SLC30A6: variants seen among roughly 807,000 people sequenced by gnomAD.
SLC30A6 encodes the protein zinc transporter 6.
A neutral mutation model predicts 63.0 loss-of-function variants in SLC30A6; 55 were observed. The observed-to-expected ratio is 0.87, with a 90% CI of 0.70 to 1.09. The LOEUF is 1.09. Ranked by LOEUF, SLC30A6 falls within the 50% of genes least tolerant of loss-of-function variation. SLC30A6 has a pLI of 0.00. For missense variants in SLC30A6, 587 were observed against 549.2 expected, an observed-to-expected ratio of 1.07 and a Z score of -0.69; for synonymous variants, 224 against 186.1, an observed-to-expected ratio of 1.20 and a Z score of -1.66.
intron 10 of SLC30A6, chr2:32,203,987 A>C (rs1447008190): frequency 8.2e-6 from 6 of 729,884 alleles, no homozygotes; most frequent in Admixed American, 2.3e-5. Context: ...GGGAGCCACA[A>C]ACGGAGTTTT....
At chr2:32,192,610 C>T (rs905321010) in intron 6 of SLC30A6, among the ~76,000 whole-genome samples, 194 bp downstream of exon 6, 2 of 152,080 alleles carry the variant, frequency 1.3e-5, no homozygotes, top group South Asian at 2.1e-4. Flanking sequence ...CTTAATGCTA[C>T]TAAATTGAAT....
chr2:32,169,462 C>T (rs554952696), intron 1 of SLC30A6, among the ~76,000 whole-genome samples: 41 of 152,096 alleles, frequency 2.7e-4, no homozygotes, highest in Non-Finnish European at 5.1e-4. Flanking sequence ...CAGGCATGAG[C>T]CACCATGGCC....
At chr2:32,189,277 CTGTCT>C (rs1241167529) in intron 5 of SLC30A6, among the ~76,000 whole-genome samples, 1 of 138,008 alleles carries the variant, frequency 7.2e-6, no homozygotes, top group Non-Finnish European at 1.5e-5. Flanking sequence ...ACAGTTGATA[CTGTCT>C]TTTTTTTTTT....
chr2:32,171,769 C>T (rs527920283), intron 2 of SLC30A6, among the ~76,000 whole-genome samples: 13 of 151,910 alleles, frequency 8.6e-5, no homozygotes, highest in South Asian at 4.2e-4. Context: ...CTTGGCTCAC[C>T]GCAACCTCTG....
intron 5 of SLC30A6, among the ~76,000 whole-genome samples, chr2:32,184,610 C>G (rs1682641022): frequency 6.6e-6 from 1 of 152,012 alleles, no homozygotes; most frequent in Admixed American, 6.6e-5. Context: ...ACTAAAAATA[C>G]AAAAATTAGC....
At position 32,197,081 on chromosome 2, in the gene SLC30A6, C is replaced by A. The variant is rs534540580; in HGVS notation, c.497-263C>A. On this transcript the variant is annotated intron_variant, in intron 8 of 13. Coordinates refer to ENST00000282587, the MANE Select transcript of SLC30A6 (RefSeq NM_017964.5). ...ATCTCAAAAGAAAAAGTGTAAAGAA[C>A]CTTTAAAACCTTAAATTAATAGTAA... Among the ~76,000 whole-genome samples, 10 of 152,106 alleles carry A rather than the reference C, an allele frequency of 6.6e-5. 1 individual carries two copies. The South Asian group carries it at 2.1e-3, about 32-fold the overall frequency.
At chr2:32,167,467 T>C (rs1310501454) in intron 1 of SLC30A6, among the ~76,000 whole-genome samples, 1 of 151,860 alleles carries the variant, frequency 6.6e-6, no homozygotes, top group Non-Finnish European at 1.5e-5. Flanking sequence ...CATGCTGTAT[T>C]AATTGAGCCT....
At position 32,224,151 on chromosome 2, in the gene SLC30A6, C is replaced by A; in HGVS notation, c.*3438C>A. The A allele has an allele frequency of 5.0e-6, 1 of 199,962 alleles. No individual in the cohort carries two copies. 12.4% of individuals were successfully genotyped at this position (199,962 alleles called of 1,614,324 possible). A position where few individuals can be genotyped will look rare whatever the true frequency, so the allele number is the denominator to read the frequency against. Reference sequence around the variant, plus strand: ...TATTCAGTAGCTATTAATAATTTATCTCATATTCAGCGAATATTTATTGAG... The same window carrying A: ...TATTCAGTAGCTATTAATAATTTATATCATATTCAGCGAATATTTATTGAG... On this transcript the variant is annotated 3_prime_UTR_variant, in exon 14 of 14. Coordinates refer to ENST00000282587, the MANE Select transcript of SLC30A6 (RefSeq NM_017964.5).
chr2:32,178,395 C>G (rs1324109224), intron 4 of SLC30A6, among the ~76,000 whole-genome samples: 1 of 152,042 alleles, frequency 6.6e-6, no homozygotes, highest in Non-Finnish European at 1.5e-5. Context: ...GTTCACGGGC[C>G]AAGTGTGGTG....
At chr2:32,181,633 G>A (rs139860478) in intron 4 of SLC30A6, among the ~76,000 whole-genome samples, 1,799 of 152,208 alleles carry the variant, frequency 0.012, 35 homozygotes, top group African/African-American at 0.04. Context: ...TTGGGAGTCC[G>A]AGGCTGGCAG....
chr2:32,200,077 TAC>T (rs35617136), intron 10 of SLC30A6, among the ~76,000 whole-genome samples: 11 of 149,216 alleles, frequency 7.4e-5, no homozygotes, highest in South Asian at 2.1e-4. Flanking sequence ...GAGACATATA[TAC>T]ACACACACAC....
In SLC30A6 at chr2:32,222,639, G is replaced by A. The variant is rs992602657; in HGVS notation, c.*1926G>A. 3 of 152,188 alleles carry A rather than the reference G, an allele frequency of 2.0e-5. No individual in the cohort carries two copies. The highest frequency in any genetic ancestry group is 1.3e-4 in the Admixed American group (2 of 15,284). The allele number at this position is 152,188 out of a possible 1,614,324, so 9.4% of individuals were successfully genotyped here. A position where few individuals can be genotyped will look rare whatever the true frequency, so the allele number is the denominator to read the frequency against. On this transcript the variant is annotated 3_prime_UTR_variant, in exon 14 of 14. Coordinates refer to ENST00000282587, the MANE Select transcript of SLC30A6 (RefSeq NM_017964.5). ...GCATGTGACCTGCTAAAGAAATACA[G>A]CCTACACTACCTTGACTACTGGGGA...
chr2:32,171,596 G>A (rs1212578984), intron 2 of SLC30A6, among the ~76,000 whole-genome samples: 1 of 152,012 alleles, frequency 6.6e-6, no homozygotes, highest in Non-Finnish European at 1.5e-5. Context: ...TTCTAATTCT[G>A]AAGTGTTTTA....
chr2:32,217,356 T>G (rs551580128), intron 13 of SLC30A6, among the ~76,000 whole-genome samples: 4 of 152,220 alleles, frequency 2.6e-5, no homozygotes, highest in Admixed American at 6.5e-5. Flanking sequence ...TTTGTTGACT[T>G]TGTCAAAGAT....
chr2:32,212,894 ATTTTTTTTTTT>A (rs10522618), intron 13 of SLC30A6, among the ~76,000 whole-genome samples: 13 of 118,228 alleles, frequency 1.1e-4, no homozygotes, highest in Admixed American at 1.8e-4. Context: ...TGTGTCCAGC[ATTTTTTTTTTT>A]TTTTTTTTTT....
chr2:32,215,191 A>G (rs1685588829), intron 13 of SLC30A6, among the ~76,000 whole-genome samples: 1 of 151,890 alleles, frequency 6.6e-6, no homozygotes. Flanking sequence ...ATTTTATTTA[A>G]TTTTATTTAC....
chr2:32,192,244 A>G, intron 5 of SLC30A6, 92 bp from the exon 6 acceptor site: 1 of 1,151,580 alleles, frequency 8.7e-7, no homozygotes, highest in Non-Finnish European at 1.3e-6. Context: ...ATGTATATTA[A>G]GTGAGCAAAT....
chr2:32,173,977 T>TCA, intron 2 of SLC30A6, 86 bp from the exon 3 acceptor site: 1 of 946,732 alleles, frequency 1.1e-6, no homozygotes, highest in Non-Finnish European at 1.6e-6. Context: ...TTCCTTTGAA[T>TCA]ATCAGAGTAT....
intron 3 of SLC30A6, 100 bp downstream of exon 3, chr2:32,174,247 G>A (rs1340560562): frequency 1.0e-5 from 8 of 762,514 alleles, no homozygotes; most frequent in African/African-American, 1.8e-5. Flanking sequence ...ATTCTGAAAT[G>A]TATATAACTC....
Sources: gnomAD v4.1 joint callset for allele counts (sites outside exome capture counted in the v4.1 genomes callset) on GRCh38, gnomAD v4.1.1 for gene constraint, MANE v1.5 for transcripts, NCBI Gene and HGNC (gene_info 2026-07-23, HGNC 2026-07-21) for gene names.